APBB2: variants seen among roughly 807,000 people sequenced by gnomAD.
The protein encoded by APBB2 is Fe65-like 1.
Under a neutral mutation model 82.5 loss-of-function variants are expected in APBB2, and 38 were observed. The ratio of observed to expected loss-of-function variants is 0.46; its 90% confidence interval spans 0.36 to 0.60. The LOEUF (loss-of-function observed/expected upper bound fraction) is 0.60. Among genes scored for constraint, APBB2 ranks in the 20% least tolerant of loss-of-function variants. The pLI is 0.00. For missense variants in APBB2, 772 were observed against 972.3 expected, an observed-to-expected ratio of 0.79 and a Z score of 2.74; for synonymous variants, 341 against 368.2, an observed-to-expected ratio of 0.93 and a Z score of 0.85.
intron 1 of APBB2, among the ~76,000 whole-genome samples, chr4:41,163,538 G>A (rs970543196): frequency 6.6e-6 from 1 of 152,072 alleles, no homozygotes; most frequent in Non-Finnish European, 1.5e-5. Context: ...CTTTCTTAAG[G>A]AAAAGAAAAA....
chr4:41,145,458 G>A (rs1054109009), intron 1 of APBB2, among the ~76,000 whole-genome samples: 1 of 152,134 alleles, frequency 6.6e-6, no homozygotes, highest in African/African-American at 2.4e-5. Flanking sequence ...CAAATCACGT[G>A]CAGGTATTAA....
intron 6 of APBB2, among the ~76,000 whole-genome samples, chr4:40,954,965 C>T (rs1194003181): frequency 3.9e-5 from 5 of 127,468 alleles, no homozygotes; most frequent in African/African-American, 1.2e-4. Context: ...TCATTCTTTT[C>T]CATCAAACTC....
chr4:41,077,030 A>T (rs998093557), intron 3 of APBB2, among the ~76,000 whole-genome samples: 2 of 151,036 alleles, frequency 1.3e-5, no homozygotes, highest in Non-Finnish European at 1.5e-5. Context: ...TTTGAGACAC[A>T]GTCTTGCTCT....
At position 40,873,236 on chromosome 4, in the gene APBB2, C is replaced by T. The variant is rs559223685; in HGVS notation, c.1529+17128G>A. On this transcript the variant is annotated intron_variant, in intron 12 of 17. Transcript: ENST00000508593. Reference sequence around the variant, plus strand: ...CTGACAATGTTATGATTAGAAGTGACCCAAGATTTGACAACTTAAGATCTA... The same window carrying T: ...CTGACAATGTTATGATTAGAAGTGATCCAAGATTTGACAACTTAAGATCTA... Among the ~76,000 whole-genome samples the T allele has an allele frequency of 4.6e-5, 7 of 152,192 alleles. No individual in the cohort carries two copies. The South Asian group carries it at 1.2e-3, about 27-fold the overall frequency.
At chr4:41,119,124 G>C (rs1187473940) in intron 2 of APBB2, among the ~76,000 whole-genome samples, 1 of 145,678 alleles carries the variant, frequency 6.9e-6, no homozygotes, top group East Asian at 2.0e-4. Context: ...GGGTGACAGA[G>C]TGAGGCCTGT....
chr4:40,897,253 C>T (rs894824165), intron 10 of APBB2, among the ~76,000 whole-genome samples: 5 of 152,168 alleles, frequency 3.3e-5, no homozygotes, highest in Non-Finnish European at 5.9e-5. Flanking sequence ...CCTGTAATCC[C>T]AGCACTTTTG....
intron 12 of APBB2, among the ~76,000 whole-genome samples, chr4:40,863,075 T>C (rs1763163262): frequency 6.6e-6 from 1 of 152,184 alleles, no homozygotes; most frequent in South Asian, 2.1e-4. Context: ...ATAAAGACAC[T>C]GGAGGATGGG....
chr4:40,835,094 G>A (rs759944311), intron 12 of APBB2, among the ~76,000 whole-genome samples: 3 of 151,882 alleles, frequency 2.0e-5, no homozygotes, highest in African/African-American at 7.3e-5. Flanking sequence ...TGGCTAACAC[G>A]TGAAACCCCG....
At chr4:40,975,789 CAA>C (rs1491319063) in intron 6 of APBB2, among the ~76,000 whole-genome samples, 8 of 147,710 alleles carry the variant, frequency 5.4e-5, no homozygotes, top group East Asian at 2.0e-4. Flanking sequence ...CACACACACA[CAA>C]CAACCACTCT....
At chr4:41,102,645 C>T (rs1025658362) in intron 2 of APBB2, among the ~76,000 whole-genome samples, 1 of 152,166 alleles carries the variant, frequency 6.6e-6, no homozygotes, top group Non-Finnish European at 1.5e-5. Flanking sequence ...TCGGTTTCCA[C>T]CAGTGTGCTA....
At chr4:41,029,904 C>T (rs1481067329) in intron 5 of APBB2, among the ~76,000 whole-genome samples, 1 of 152,078 alleles carries the variant, frequency 6.6e-6, no homozygotes, top group Non-Finnish European at 1.5e-5. Flanking sequence ...TGCCTGTAAT[C>T]CTAGCACTTT....
At chr4:40,846,692 A>G (rs866782127) in intron 12 of APBB2, among the ~76,000 whole-genome samples, 1 of 152,184 alleles carries the variant, frequency 6.6e-6, no homozygotes, top group Admixed American at 6.5e-5. Flanking sequence ...TCCAGCACTT[A>G]GAAGTGTAAA....
chr4:40,972,153 C>T (rs1796076856), intron 6 of APBB2, among the ~76,000 whole-genome samples: 1 of 152,024 alleles, frequency 6.6e-6, no homozygotes, highest in African/African-American at 2.4e-5. Context: ...TCCTGGCCGG[C>T]TGTGGTGGCT....
chr4:40,933,670 G>A (rs1406056558), intron 10 of APBB2, among the ~76,000 whole-genome samples: 1 of 152,204 alleles, frequency 6.6e-6, no homozygotes, highest in Non-Finnish European at 1.5e-5. Context: ...AGGGAGATAG[G>A]GAGGTCTGGC....
intron 10 of APBB2, among the ~76,000 whole-genome samples, chr4:40,894,236 C>T (rs1040177031): frequency 1.2e-4 from 18 of 151,284 alleles, no homozygotes; most frequent in African/African-American, 3.9e-4. Context: ...TGCAGTGAGC[C>T]GAGATCGCGC....
At chr4:40,964,663 C>T (rs1427149254) in intron 6 of APBB2, among the ~76,000 whole-genome samples, 1 of 151,326 alleles carries the variant, frequency 6.6e-6, no homozygotes, top group Non-Finnish European at 1.5e-5. Flanking sequence ...GGAGCACCAT[C>T]CAGCCACTGG....
At chr4:41,142,704 A>G (rs1759597493) in intron 2 of APBB2, among the ~76,000 whole-genome samples, 1 of 152,208 alleles carries the variant, frequency 6.6e-6, no homozygotes, top group Admixed American at 6.5e-5. Context: ...GGCTTCTTCC[A>G]ATATTTGTGC....
intron 6 of APBB2, among the ~76,000 whole-genome samples, chr4:40,995,548 A>C (rs1287412358): frequency 7.0e-6 from 1 of 142,600 alleles, no homozygotes; most frequent in Non-Finnish European, 1.5e-5. Context: ...AAAAAAAAAA[A>C]TTTTTTTTTT....
At chr4:40,979,344 A>G (rs923171609) in intron 6 of APBB2, among the ~76,000 whole-genome samples, 1 of 152,206 alleles carries the variant, frequency 6.6e-6, no homozygotes, top group African/African-American at 2.4e-5. Flanking sequence ...CCTGATGCAC[A>G]TGCTCTGAAC....
Sources: allele counts gnomAD v4.1 joint callset (sites outside exome capture counted in the v4.1 genomes callset), GRCh38; gene constraint gnomAD v4.1.1; transcripts MANE v1.5; gene names NCBI Gene and HGNC (gene_info 2026-07-23, HGNC 2026-07-21).